The following IGFLR1 variants were observed in gnomAD, a reference collection of about 807,000 sequenced individuals.
IGFLR1 encodes IGF-like family receptor 1.
IGFLR1 carries 17 observed loss-of-function variants against 23.4 expected under a neutral mutation model. That is an observed-to-expected ratio of 0.73 (90% confidence interval 0.50 to 1.09). The LOEUF (loss-of-function observed/expected upper bound fraction) is 1.09, where lower values mean the gene tolerates loss of function less well. IGFLR1 is among the 50% of genes least tolerant of loss of function. The pLI is 0.00. For missense variants in IGFLR1, 556 were observed against 459.2 expected, an observed-to-expected ratio of 1.21 and a Z score of -1.93; for synonymous variants, 265 against 210.7, an observed-to-expected ratio of 1.26 and a Z score of -2.23.
intron 3 of IGFLR1, 135 bp downstream of exon 3, chr19:35,740,245 G>C: frequency 7.6e-7 from 1 of 1,318,000 alleles, no homozygotes; most frequent in South Asian, 1.5e-5. Flanking sequence ...CCTTAACCTA[G>C]GACCTCCCGA....
chr19:35,742,048 G>A (rs2064417398), intron 1 of IGFLR1, among the ~76,000 whole-genome samples: 1 of 152,224 alleles, frequency 6.6e-6, no homozygotes, highest in Non-Finnish European at 1.5e-5. Flanking sequence ...AGTGGAGGCT[G>A]CAGTGAGCTG....
At position 35,741,076 on chromosome 19, in the gene IGFLR1, G is replaced by A. The variant is rs1027113217; in HGVS notation, c.105C>T (p.Asp35=). The change falls in exon 2 of 5, where the codon GAC becomes GAT. Residue 35 remains aspartate (D), a synonymous_variant. Transcript: ENST00000246532. The part of the protein sequence containing the change: ...YCGRLEYWNP[D]NKCCSSCLQR... ...GCAGGCAGCTGCTGCAGCACTTGTT[G>A]TCTGGGTTCCAGTATTCAAGGCGGC... 4.3e-5 allele frequency: 69 copies of A among 1,607,020 alleles called. No homozygotes were observed. The highest frequency in any genetic ancestry group is 5.8e-5 in the Non-Finnish European group (68 of 1,175,984).
In IGFLR1 at chr19:35,742,410, G is replaced by A; in HGVS notation, c.-58C>T. On this transcript the variant is annotated 5_prime_UTR_variant, in exon 1 of 5. Transcript: ENST00000246532. ...CCTACCAGTACCGTTAGGGTCCTGG[G>A]TCCCAAGCTGGCCGTGCCAAGTTCC... The A allele has an allele frequency of 6.5e-7, 1 of 1,533,270 alleles. No homozygotes were observed. The highest frequency in any genetic ancestry group is 8.7e-7 in the Non-Finnish European group (1 of 1,145,372). 95.0% of individuals were successfully genotyped at this position (1,533,270 alleles called of 1,614,324 possible). A position where few individuals can be genotyped will look rare whatever the true frequency, so the allele number is the denominator to read the frequency against.
Position 35,739,911 on chromosome 19 carries a change from C to A in IGFLR1, c.520G>T (p.Ala174Ser). The change falls in exon 4 of 5, where the codon GCG becomes TCG. Residue 174 changes from alanine (A) to serine (S), a missense_variant. Ala to Ser is a moderately conservative substitution (Grantham distance 99, BLOSUM62 1). Transcript: ENST00000246532. Reference protein sequence around the residue: ...LVVLVLLLTLAVIAILLFILL... With the variant: ...LVVLVLLLTLSVIAILLFILL... Reference sequence around the variant, plus strand: ...ATAAACAGGAGGATCGCTATCACCGCCAAGGTCAGGAGCAGGACCAGCACC... The same window carrying A: ...ATAAACAGGAGGATCGCTATCACCGACAAGGTCAGGAGCAGGACCAGCACC... The A allele has an allele frequency of 1.2e-6, 2 of 1,614,172 alleles. No individual in the cohort carries two copies.
At chr19:35,740,955 C>T in intron 2 of IGFLR1, 69 bp downstream of exon 2, 1 of 1,486,598 alleles carries the variant, frequency 6.7e-7, no homozygotes, top group Non-Finnish European at 9.2e-7. Context: ...AGCCCACAGA[C>T]CTCGCCCCTT....
At position 35,738,827 on chromosome 19, in the gene IGFLR1, G is replaced by C. The variant is rs1970024720; in HGVS notation, c.*453C>G. 4 of 511,764 alleles carry C rather than the reference G, an allele frequency of 7.8e-6. No individual in the cohort carries two copies. The highest frequency in any genetic ancestry group is 1.4e-5 in the Non-Finnish European group (4 of 290,472). 31.7% of individuals were successfully genotyped at this position (511,764 alleles called of 1,614,324 possible). ...TTTCTATGCACTTTTTTATTTAAGA[G>C]GTGGGGTCCCAGGTGGGAACCCCCC... On this transcript the variant is annotated 3_prime_UTR_variant, in exon 5 of 5. Transcript: ENST00000246532. This position sits in a 1 kb window ranked among gnomAD's most constrained non-coding sequence, Gnocchi z 8.7.
chr19:35,740,186 A>G lies in IGFLR1; in HGVS notation c.343-98T>C, dbSNP rs529561295. On this transcript the variant is annotated intron_variant, in intron 3 of 4. Transcript: ENST00000246532. ...ATATCCTTTAATGGGGCCACATCCC[A>G]TCTGATACGGTATCTGATAAGGTAG... 11 of 1,419,744 alleles carry G rather than the reference A, an allele frequency of 7.7e-6. No homozygotes were observed. The Admixed American group carries it at 1.7e-4, about 22-fold the overall frequency. 87.9% of individuals were successfully genotyped at this position (1,419,744 alleles called of 1,614,324 possible). A position where few individuals can be genotyped will look rare whatever the true frequency, so the allele number is the denominator to read the frequency against.
At chr19:35,741,452 T>G in intron 1 of IGFLR1, 1 of 451,304 alleles carries the variant, frequency 2.2e-6, no homozygotes, top group South Asian at 2.2e-5. Context: ...ACCCTCCCTT[T>G]TCCATCCCTA....
Position 35,739,391 on chromosome 19 carries a change from C to T in IGFLR1, c.957G>A (p.Arg319=), listed in dbSNP as rs780365339. The change falls in exon 5 of 5, where the codon AGG becomes AGA. Residue 319 remains arginine (R), a synonymous_variant. Coordinates refer to ENST00000246532, the MANE Select transcript of IGFLR1 (RefSeq NM_024660.4). ...GCTGGCCCAGGGAGGCAGAGGGCTC[C>T]CTTGCCACCACCATCTCAATCAGAG... The part of the protein sequence containing the change: ...LRALIEMVVA[R]EPSASLGQLG... The T allele has an allele frequency of 1.2e-6, 2 of 1,613,422 alleles. No individual in the cohort carries two copies. The highest frequency in any genetic ancestry group is 1.1e-5 in the South Asian group (1 of 91,008).
At position 35,741,144 on chromosome 19, in the gene IGFLR1, G is replaced by T; in HGVS notation, c.37C>A (p.Leu13Ile). 6.2e-7 allele frequency: 1 copy of T among 1,602,424 alleles called. No individual in the cohort carries two copies. The highest frequency in any genetic ancestry group is 8.5e-7 in the Non-Finnish European group (1 of 1,172,756). ...PGRCLLTALL[L>I]LALAPPPEAS... Reference sequence around the variant, plus strand: ...TCCGGCGGTGGCGCCAGGGCCAGAAGCAACAAGGCCGTCAGGAGGCATCGT... The same window carrying T: ...TCCGGCGGTGGCGCCAGGGCCAGAATCAACAAGGCCGTCAGGAGGCATCGT... Residue 13 changes from leucine (L) to isoleucine (I), a missense_variant, in exon 2 of 5, where the codon CTT (leucine) becomes ATT (isoleucine). Leu to Ile is a conservative substitution (Grantham distance 5). Transcript: ENST00000246532.
Position 35,739,436 on chromosome 19 carries a change from C to T in IGFLR1, c.912G>A (p.Pro304=), listed in dbSNP as rs757546035. 13 of 1,613,934 alleles carry T rather than the reference C, an allele frequency of 8.1e-6. No individual in the cohort carries two copies. In the East Asian group the frequency reaches 1.8e-4, roughly 22 times the overall value. The change falls in exon 5 of 5, where the codon CCG becomes CCA. Residue 304 remains proline (P), a synonymous_variant. Transcript: ENST00000246532. ...TCAGAGCCCGCAGCGGCGAGCGACT[C>T]GGCCTCAGCGAATAGGCAAAGGTGG... ...AWSTFAYSLR[P]SRSPLRALIE...
Position 35,741,126 on chromosome 19 carries a change from G to C in IGFLR1, c.55C>G (p.Pro19Ala), listed in dbSNP as rs1169275652. The C allele has an allele frequency of 2.5e-6, 4 of 1,600,778 alleles. No homozygotes were observed. The highest frequency in any genetic ancestry group is 3.4e-6 in the Non-Finnish European group (4 of 1,171,402). The change falls in exon 2 of 5, where the codon CCG (proline) becomes GCG (alanine). Residue 19 changes from proline to alanine, a missense_variant. Pro to Ala is a conservative substitution (Grantham distance 27, BLOSUM62 -1). Transcript: ENST00000246532. ...TALLLLALAP[P>A]PEASQYCGRL... ...CCGCAGTACTGGGAGGCTTCCGGCG[G>C]TGGCGCCAGGGCCAGAAGCAACAAG...
rs1451998852 is a variant in IGFLR1, at chr19:35,739,580, C to T, written c.768G>A (p.Glu256=). Residue 256 remains glutamate, a synonymous_variant, in exon 5 of 5, where the codon GAG becomes GAA. Coordinates refer to ENST00000246532, the MANE Select transcript of IGFLR1 (RefSeq NM_024660.4). ...ASQPLSRLLD[E]LEVLEELIVL... ...CAATCAGCTCTTCCAGCACCTCCAGCTCATCCAGGAGGCGAGACAGGGGTT... is the reference window on the plus strand; with the variant it reads ...CAATCAGCTCTTCCAGCACCTCCAGTTCATCCAGGAGGCGAGACAGGGGTT... 1.2e-6 allele frequency: 2 copies of T among 1,613,890 alleles called. No individual in the cohort carries two copies. Among genetic ancestry groups the T allele is most frequent in the East Asian group, 4.5e-5 (2 of 44,888 alleles).
In IGFLR1 at chr19:35,740,580, C is replaced by T; in HGVS notation, c.158-16G>A. On this transcript the variant is annotated splice_polypyrimidine_tract_variant and intron_variant, in intron 2 of 4. Transcript: ENST00000246532. Reference sequence around the variant, plus strand: ...AACTCATAGTCTAGCGGGAAAGCTGCGCTCCAGTGCGGCCGCCTAGCCCGC... The same window carrying T: ...AACTCATAGTCTAGCGGGAAAGCTGTGCTCCAGTGCGGCCGCCTAGCCCGC... The T allele has an allele frequency of 6.3e-7, 1 of 1,584,324 alleles. No individual in the cohort carries two copies. Among genetic ancestry groups the T allele is most frequent in the Non-Finnish European group, 8.6e-7 (1 of 1,163,632 alleles).
In IGFLR1 at chr19:35,741,240, A is replaced by G. The variant is rs757005548; in HGVS notation, c.-43-17T>C. On this transcript the variant is annotated splice_polypyrimidine_tract_variant and intron_variant, in intron 1 of 4. Transcript: ENST00000246532. ...GCGCCTCTGCTACACTTTCCGGGGA[A>G]ATCGGGCAGAAGAAAGGACGCGGTG... 67 of 1,589,838 alleles carry G rather than the reference A, an allele frequency of 4.2e-5. No individual in the cohort carries two copies. The highest frequency in any genetic ancestry group is 5.5e-5 in the Non-Finnish European group (65 of 1,172,310).
chr19:35,739,769 C>G lies in IGFLR1; in HGVS notation c.662G>C (p.Gly221Ala). ...TPSSSHLSSP[G>A]ALETGDTWKE... ...CCATGTGTCCCCTGTCTCCAGGGCG[C>G]CTGGGGAGGACAGATGCGAGGAGGA... The change falls in exon 4 of 5, where the codon GGC becomes GCC. Residue 221 changes from glycine (G) to alanine (A), a missense_variant. Gly to Ala is a moderately conservative substitution (Grantham distance 60). Transcript: ENST00000246532. 1 of 1,561,472 alleles carries G rather than the reference C, an allele frequency of 6.4e-7. No homozygotes were observed. Among genetic ancestry groups the G allele is most frequent in the Non-Finnish European group, 8.7e-7 (1 of 1,150,496 alleles).
chr19:35,740,957 T>C, intron 2 of IGFLR1, 67 bp downstream of exon 2: 1 of 1,502,924 alleles, frequency 6.7e-7, no homozygotes, highest in South Asian at 1.2e-5. Flanking sequence ...CCCACAGACC[T>C]CGCCCCTTCC....
At position 35,740,738 on chromosome 19, in the gene IGFLR1, C is replaced by T. The variant is rs192904244; in HGVS notation, c.158-174G>A. Reference sequence around the variant, plus strand: ...GGCTCGCCTTTTCACCCCCCTCCAGCCTGCTCCGCACGAAGCTCCGCCCAC... The same window carrying T: ...GGCTCGCCTTTTCACCCCCCTCCAGTCTGCTCCGCACGAAGCTCCGCCCAC... On this transcript the variant is annotated intron_variant, in intron 2 of 4. Coordinates refer to ENST00000246532, the MANE Select transcript of IGFLR1 (RefSeq NM_024660.4). 133 of 690,088 alleles carry T rather than the reference C, an allele frequency of 1.9e-4. 1 individual carries two copies. The Middle Eastern group carries it at 3.3e-3, about 17-fold the overall frequency. The allele number at this position is 690,088 out of a possible 1,614,324, so 42.7% of individuals were successfully genotyped here.
chr19:35,740,253 C>G (rs1970134666), intron 3 of IGFLR1, 127 bp downstream of exon 3: 6 of 1,326,692 alleles, frequency 4.5e-6, no homozygotes, highest in Non-Finnish European at 6.0e-6. Flanking sequence ...TAGGACCTCC[C>G]GACCCCTGCA....
Sources: gnomAD v4.1 joint callset for allele counts (sites outside exome capture counted in the v4.1 genomes callset) on GRCh38, gnomAD v4.1.1 for gene constraint, Gnocchi (gnomAD v3.1) non-coding constraint, MANE v1.5 for transcripts, NCBI Gene and HGNC (gene_info 2026-07-23, HGNC 2026-07-21) for gene names.